CPLX2: variants seen among roughly 807,000 people sequenced by gnomAD.
The protein encoded by CPLX2 is complexin 2.
CPLX2 carries 5 observed loss-of-function variants against 16.3 expected under a neutral mutation model. The ratio of observed to expected loss-of-function variants is 0.31; its 90% CI spans 0.16 to 0.64. CPLX2 has a LOEUF of 0.64. Ranked by LOEUF, CPLX2 falls within the 30% of genes least tolerant of loss-of-function variation. CPLX2 has a pLI of 0.79. For missense variants in CPLX2, 144 were observed against 181.4 expected (o/e 0.79, Z 1.18); for synonymous variants, 89 against 73.2 (o/e 1.22, Z -1.10).
At chr5:175,875,015 TGGA>T (rs1759725000) in intron 1 of CPLX2, among the ~76,000 whole-genome samples, 1 of 151,606 alleles carries the variant, frequency 6.6e-6, no homozygotes. Flanking sequence ...AGCAGAGGGA[TGGA>T]GGAGGATGAC....
At chr5:175,837,152 G>A (rs1758853617) in intron 2 of CPLX2, among the ~76,000 whole-genome samples, 1 of 152,222 alleles carries the variant, frequency 6.6e-6, no homozygotes, top group African/African-American at 2.4e-5. Context: ...GAGAGGAGCT[G>A]TGACCTGGTC....
Position 175,878,658 on chromosome 5 carries a change from A to G in CPLX2, c.-82A>G, listed in dbSNP as rs1456060172. On this transcript the variant is annotated 5_prime_UTR_variant, in exon 2 of 4. Coordinates refer to ENST00000393745, the MANE Select transcript of CPLX2 (RefSeq NM_001008220.2). Reference sequence around the variant, plus strand: ...TCCCAATTCTCTTCTGCAGGTTGTCACATCTTCCCAAGCCAGGCCAGCCAG... The same window carrying G: ...TCCCAATTCTCTTCTGCAGGTTGTCGCATCTTCCCAAGCCAGGCCAGCCAG... 6.5e-7 allele frequency: 1 copy of G among 1,528,984 alleles called. No homozygotes were observed. The highest frequency in any genetic ancestry group is 1.2e-5 in the South Asian group (1 of 84,628). 94.7% of individuals were successfully genotyped at this position (1,528,984 alleles called of 1,614,324 possible).
chr5:175,833,164 A>G (rs547503620), intron 2 of CPLX2, among the ~76,000 whole-genome samples: 3 of 152,176 alleles, frequency 2.0e-5, no homozygotes, highest in African/African-American at 7.2e-5. Flanking sequence ...CTCAAAAAAA[A>G]AAGAGAAAAG....
At chr5:175,865,264 T>C (rs999442318) in intron 2 of CPLX2, among the ~76,000 whole-genome samples, 1 of 152,206 alleles carries the variant, frequency 6.6e-6, no homozygotes, top group African/African-American at 2.4e-5. Context: ...TCCTTTTGAA[T>C]TCATTTTTAT....
chr5:175,868,664 A>G (rs537206991), upstream of CPLX2, among the ~76,000 whole-genome samples: 10 of 151,516 alleles, frequency 6.6e-5, no homozygotes, highest in Non-Finnish European at 1.3e-4. Flanking sequence ...ACATGACATG[A>G]GGACCCCGAT....
Position 175,845,228 on chromosome 5 carries a change from T to A in CPLX2, c.-88-33424T>A, listed in dbSNP as rs1759019931. On this transcript the variant is annotated intron_variant, in intron 2 of 4. Coordinates refer to the CPLX2 transcript ENST00000359546. The surrounding 1 kb of genome is among the most constrained non-coding windows in gnomAD (Gnocchi z 4.0). Reference sequence around the variant, plus strand: ...AACCAGAAAGCTCCTTAAAAGGGAATCACACATGTCCCTCCTGTACTTACA... The same window carrying A: ...AACCAGAAAGCTCCTTAAAAGGGAAACACACATGTCCCTCCTGTACTTACA... 6.6e-6 allele frequency among the ~76,000 whole-genome samples: 1 copy of A among 152,204 alleles called. No individual in the cohort carries two copies. Among genetic ancestry groups the A allele is most frequent in the African/African-American group, 2.4e-5 (1 of 41,452 alleles).
chr5:175,865,932 G>A (rs953643039), intron 2 of CPLX2, among the ~76,000 whole-genome samples: 1 of 152,204 alleles, frequency 6.6e-6, no homozygotes, highest in African/African-American at 2.4e-5. Flanking sequence ...TAGTGTTGTA[G>A]GGAGCCTATA....
intron 2 of CPLX2, among the ~76,000 whole-genome samples, chr5:175,835,706 TA>T: frequency 1.1e-4 from 8 of 75,348 alleles, no homozygotes; most frequent in Admixed American, 8.7e-4. Context: ...AAGTGGTTTT[TA>T]TTTATTTATT....
chr5:175,809,995 G>A lies in CPLX2; in HGVS notation c.-89+927G>A, dbSNP rs1056626034. On this transcript the variant is annotated intron_variant, in intron 2 of 4. Coordinates refer to the CPLX2 transcript ENST00000359546. The surrounding 1 kb of genome is among the most constrained non-coding windows in gnomAD (Gnocchi z 4.4). ...TATTTATGATGCTGAGTCATTCGCA[G>A]AGAATGCCACTGAGGAATTCCAGGC... Among the ~76,000 whole-genome samples, 2 of 152,216 alleles carry A rather than the reference G, an allele frequency of 1.3e-5. No homozygotes were observed. Among genetic ancestry groups the A allele is most frequent in the Non-Finnish European group, 2.9e-5 (2 of 68,042 alleles).
chr5:175,880,333 C>A lies in CPLX2; in HGVS notation c.*288C>A. Reference sequence around the variant, plus strand: ...GCCTAAGGTCGTGCTAGTGTGGTGACCCCCATACATTCCTCCCTGCTCCCC... The same window carrying A: ...GCCTAAGGTCGTGCTAGTGTGGTGAACCCCATACATTCCTCCCTGCTCCCC... On this transcript the variant is annotated 3_prime_UTR_variant, in exon 4 of 4. Transcript: ENST00000393745. The A allele has an allele frequency of 2.1e-6, 1 of 474,160 alleles. No individual in the cohort carries two copies. The highest frequency in any genetic ancestry group is 2.0e-5 in the South Asian group (1 of 49,628). 29.4% of individuals were successfully genotyped at this position (474,160 alleles called of 1,614,324 possible).
chr5:175,824,731 A>T (rs942072239), intron 2 of CPLX2, among the ~76,000 whole-genome samples: 2 of 152,220 alleles, frequency 1.3e-5, no homozygotes, highest in Admixed American at 1.3e-4. Flanking sequence ...AACAACTCGG[A>T]AGGCTGAGAT....
At chr5:175,827,830 C>CA (rs111252500) in intron 2 of CPLX2, among the ~76,000 whole-genome samples, 4 of 152,100 alleles carry the variant, frequency 2.6e-5, no homozygotes, top group African/African-American at 9.7e-5. Context: ...TGCACATTTA[C>CA]AAAAAAACCA....
chr5:175,838,048 T>G (rs1391077563), intron 2 of CPLX2, among the ~76,000 whole-genome samples: 1 of 152,226 alleles, frequency 6.6e-6, no homozygotes, highest in African/African-American at 2.4e-5. Flanking sequence ...AAGATTCTTC[T>G]GGGTGGTAGA....
chr5:175,812,304 T>A (rs920323803), intron 2 of CPLX2, among the ~76,000 whole-genome samples: 19 of 152,176 alleles, frequency 1.2e-4, no homozygotes, highest in African/African-American at 3.4e-4. Context: ...GAGACAGGAA[T>A]GAGAACACCA....
intron 2 of CPLX2, among the ~76,000 whole-genome samples, chr5:175,852,836 C>G (rs116792182): frequency 0.01 from 1,588 of 152,218 alleles, 27 homozygotes; most frequent in African/African-American, 0.036. Flanking sequence ...GTTTTCCAAA[C>G]CCAGGGAAGC....
chr5:175,867,460 C>G (rs116592326), upstream of CPLX2, among the ~76,000 whole-genome samples: 1 of 152,148 alleles, frequency 6.6e-6, no homozygotes, highest in Non-Finnish European at 1.5e-5. Flanking sequence ...AATGGTGACA[C>G]GTCCCCAGAG....
At chr5:175,799,539 CATAT>C (rs70988299) in intron 1 of CPLX2, among the ~76,000 whole-genome samples, 2,647 of 72,110 alleles carry the variant, frequency 0.037, 46 homozygotes, top group South Asian at 0.059. Context: ...TTGCAAATTT[CATAT>C]ATATATATAT....
intron 1 of CPLX2, among the ~76,000 whole-genome samples, chr5:175,874,406 A>G (rs549791826): frequency 6.6e-6 from 1 of 152,264 alleles, no homozygotes; most frequent in South Asian, 2.1e-4. Context: ...CCCCAGCCCA[A>G]CTGAATGCTG....
intron 1 of CPLX2, among the ~76,000 whole-genome samples, chr5:175,803,336 C>A (rs766389847): frequency 1.3e-5 from 2 of 152,180 alleles, no homozygotes; most frequent in Non-Finnish European, 2.9e-5. Context: ...TCACTTTCTA[C>A]TGGGAGACAG....
Sources: allele counts gnomAD v4.1 joint callset (sites outside exome capture counted in the v4.1 genomes callset), GRCh38; gene constraint gnomAD v4.1.1; non-coding constraint Gnocchi (gnomAD v3.1); transcripts MANE v1.5; gene names NCBI Gene and HGNC (gene_info 2026-07-23, HGNC 2026-07-21).